The following IL17RD variants were observed in gnomAD, a reference collection of about 807,000 sequenced individuals.
The protein encoded by IL17RD is interleukin 17 receptor D, also known as interleukin-17 receptor D.
A neutral mutation model predicts 80.5 loss-of-function variants in IL17RD; 52 were observed. That is an observed-to-expected ratio of 0.65 (90% CI 0.52 to 0.81). IL17RD has a LOEUF of 0.81. IL17RD is among the 40% of genes least tolerant of loss of function. IL17RD has a pLI of 0.00. For missense variants in IL17RD, 1,024 were observed against 955.1 expected (o/e 1.07, Z -0.95); for synonymous variants, 416 against 391.8 (o/e 1.06, Z -0.73).
chr3:57,120,392 C>T (rs1180909717), intron 1 of IL17RD, 79 bp from the exon 2 acceptor site: 1 of 988,544 alleles, frequency 1.0e-6, no homozygotes, highest in Non-Finnish European at 1.6e-6. Flanking sequence ...AGTCCAAATG[C>T]AAGCAGCACT....
chr3:57,118,923 G>A (rs1397200914), intron 2 of IL17RD, among the ~76,000 whole-genome samples: 1 of 152,122 alleles, frequency 6.6e-6, no homozygotes, highest in Non-Finnish European at 1.5e-5. Context: ...CTGATAGGTG[G>A]GGCCAGGCAC....
At chr3:57,102,853 C>T (rs779070376) in intron 9 of IL17RD, among the ~76,000 whole-genome samples, 52 of 152,186 alleles carry the variant, frequency 3.4e-4, no homozygotes, top group Non-Finnish European at 6.2e-4. Flanking sequence ...TCCCCTCCCA[C>T]CACTTTTCTT....
chr3:57,128,834 A>C (rs1707548734), intron 1 of IL17RD, among the ~76,000 whole-genome samples: 1 of 152,186 alleles, frequency 6.6e-6, no homozygotes, highest in Non-Finnish European at 1.5e-5. Context: ...CTGGGTTTAA[A>C]AACAAGGCAA....
chr3:57,147,364 A>G (rs891214266), intron 1 of IL17RD, among the ~76,000 whole-genome samples: 2 of 152,240 alleles, frequency 1.3e-5, no homozygotes, highest in Non-Finnish European at 2.9e-5. Context: ...CCAAGGTCTC[A>G]ATAAATGGTA....
intron 1 of IL17RD, among the ~76,000 whole-genome samples, chr3:57,155,888 G>T (rs1559487111): frequency 6.6e-6 from 1 of 152,176 alleles, no homozygotes; most frequent in Non-Finnish European, 1.5e-5. Context: ...ACCACTCCTT[G>T]CCCAGAGGAA....
intron 1 of IL17RD, among the ~76,000 whole-genome samples, chr3:57,128,861 C>G (rs1707549301): frequency 6.6e-6 from 1 of 152,192 alleles, no homozygotes; most frequent in Admixed American, 6.5e-5. Context: ...GTTGTGCAGT[C>G]TCTTTAGTTC....
chr3:57,167,279 C>T (rs1470979169), upstream of IL17RD, among the ~76,000 whole-genome samples: 2 of 152,050 alleles, frequency 1.3e-5, no homozygotes, highest in Non-Finnish European at 2.9e-5. Context: ...TCTTCAGACA[C>T]CAGAATAGCT....
intron 1 of IL17RD, among the ~76,000 whole-genome samples, chr3:57,135,755 T>A (rs1707711393): frequency 6.6e-6 from 1 of 152,206 alleles, no homozygotes; most frequent in Non-Finnish European, 1.5e-5. Context: ...GGCAAAATTC[T>A]TTCTAAGGGT....
At chr3:57,136,783 A>G (rs1707740734) in intron 1 of IL17RD, among the ~76,000 whole-genome samples, 1 of 152,202 alleles carries the variant, frequency 6.6e-6, no homozygotes, top group South Asian at 2.1e-4. Flanking sequence ...AAGAGCTTGA[A>G]ATATGCTTTT....
chr3:57,157,960 C>G lies in IL17RD; in HGVS notation c.126+7201G>C, dbSNP rs113088693. On this transcript the variant is annotated intron_variant, in intron 1 of 12. Transcript: ENST00000296318. ...TCTACAAAAATGACCAAACAGAACA[C>G]TTGGAAAAACTCCTAGTTTTGAAGG... Among the ~76,000 whole-genome samples, 37 of 152,254 alleles carry G rather than the reference C, an allele frequency of 2.4e-4. 1 individual carries two copies. Among genetic ancestry groups the G allele is most frequent in the African/African-American group, 8.2e-4 (34 of 41,546 alleles).
In IL17RD at chr3:57,097,860, G is replaced by T; in HGVS notation, c.1843C>A (p.Pro615Thr). 6.2e-7 allele frequency: 1 copy of T among 1,613,632 alleles called. No individual in the cohort carries two copies. The highest frequency in any genetic ancestry group is 8.5e-7 in the Non-Finnish European group (1 of 1,179,788). The change falls in exon 12 of 13, where the codon CCA (proline) becomes ACA (threonine). Residue 615 changes from proline (P) to threonine (T), a missense_variant. Transcript: ENST00000296318. ...TGACTCTCGTGCTGGGAGTCGGCTG[G>T]TCCGGTTGCCCCAAGAACAGCCGCC... ...VEAAVLGATGPADSQHESQHG... is the reference protein window; with the variant it reads ...VEAAVLGATGTADSQHESQHG...
In IL17RD at chr3:57,127,285, A is replaced by T. The variant is rs866466621; in HGVS notation, c.127-6972T>A. On this transcript the variant is annotated intron_variant, in intron 1 of 12. Transcript: ENST00000296318. ...ATAAATATATATAAAAATATATATA[A>T]ATATATATAAATATATATAAAAATA... Among the ~76,000 whole-genome samples, 43 of 88,000 alleles carry T rather than the reference A, an allele frequency of 4.9e-4. 1 individual carries two copies. The highest frequency in any genetic ancestry group is 2.9e-3 in the African/African-American group (42 of 14,552). 57.7% of individuals were successfully genotyped at this position (88,000 alleles called of 152,430 possible).
At chr3:57,134,633 C>T (rs1707683162) in intron 1 of IL17RD, 7 of 800,520 alleles carry the variant, frequency 8.7e-6, no homozygotes, top group Non-Finnish European at 1.6e-5. Flanking sequence ...GGTCTAAGAC[C>T]AAGGAAGCAC....
intron 1 of IL17RD, among the ~76,000 whole-genome samples, chr3:57,156,939 C>T (rs983602573): frequency 6.6e-6 from 1 of 152,150 alleles, no homozygotes; most frequent in East Asian, 1.9e-4. Context: ...CATTGAAATT[C>T]AATTTCTTCC....
intron 1 of IL17RD, among the ~76,000 whole-genome samples, chr3:57,143,396 C>A (rs999709320): frequency 6.6e-6 from 1 of 152,196 alleles, no homozygotes; most frequent in Non-Finnish European, 1.5e-5. Context: ...TCATTCTCAT[C>A]AGTGATGAGG....
chr3:57,143,209 C>T (rs1286284242), intron 1 of IL17RD, among the ~76,000 whole-genome samples: 1 of 152,164 alleles, frequency 6.6e-6, no homozygotes, highest in African/African-American at 2.4e-5. Flanking sequence ...GTGTTTAACT[C>T]CGCTGTCAGC....
Position 57,091,543 on chromosome 3 carries a change from AGAAACATTACAGCAGT to A in IL17RD, c.*4834_*4849del, listed in dbSNP as rs1343642057. On this transcript the variant is annotated 3_prime_UTR_variant, in exon 13 of 13. Coordinates refer to ENST00000296318, the MANE Select transcript of IL17RD (RefSeq NM_017563.5). ...GGCAACTAAACTAAGTGTGAAGCTG[AGAAACATTACAGCAGT>A]GAAAATTATTAGGCCCCTGGAAAAC... 6.6e-6 allele frequency: 1 copy of A among 152,636 alleles called. No individual in the cohort carries two copies. The highest frequency in any genetic ancestry group is 1.9e-4 in the East Asian group (1 of 5,198). The allele number at this position is 152,636 out of a possible 1,614,324, so 9.5% of individuals were successfully genotyped here. A position where few individuals can be genotyped will look rare whatever the true frequency, so the allele number is the denominator to read the frequency against.
chr3:57,165,179 G>C lies in IL17RD; in HGVS notation c.108C>G (p.Ala36=). The C allele has an allele frequency of 6.5e-7, 1 of 1,527,218 alleles. No homozygotes were observed. 94.6% of individuals were successfully genotyped at this position (1,527,218 alleles called of 1,614,324 possible). A position where few individuals can be genotyped will look rare whatever the true frequency, so the allele number is the denominator to read the frequency against. The change falls in exon 1 of 13, where the codon GCC becomes GCG. Residue 36 remains alanine, a synonymous_variant. Transcript: ENST00000296318. ...GCCTTACCCTCCAGCCACAGGTGTCGGCGCCCCGCGCGCGGCCGGACCCGC... is the reference window on the plus strand; with the variant it reads ...GCCTTACCCTCCAGCCACAGGTGTCCGCGCCCCGCGCGCGGCCGGACCCGC... ...AAGGSGRARG[A]DTCGWRGVGP...
intron 1 of IL17RD, among the ~76,000 whole-genome samples, chr3:57,126,252 T>C (rs1404686829): frequency 6.6e-6 from 1 of 152,218 alleles, no homozygotes; most frequent in Non-Finnish European, 1.5e-5. Flanking sequence ...TTTAATTTGT[T>C]CCAAAGGGAG....
Sources: allele counts gnomAD v4.1 joint callset (sites outside exome capture counted in the v4.1 genomes callset), GRCh38; gene constraint gnomAD v4.1.1; transcripts MANE v1.5; gene names NCBI Gene and HGNC (gene_info 2026-07-23, HGNC 2026-07-21).